The following ARAP2 variants were observed in gnomAD, a reference collection of about 807,000 sequenced individuals.
The protein encoded by ARAP2 is arf-GAP with Rho-GAP domain, ANK repeat and PH domain-containing protein 2.
ARAP2 carries 148 observed loss-of-function variants against 194.5 expected under a neutral mutation model. The ratio of observed to expected loss-of-function variants is 0.76; its 90% CI spans 0.67 to 0.87. The LOEUF (loss-of-function observed/expected upper bound fraction) is 0.87, where lower values mean the gene tolerates loss of function less well. ARAP2 is among the 40% of genes least tolerant of loss of function. The pLI is 0.00. For missense variants in ARAP2, 2,128 were observed against 1,989.7 expected (o/e 1.07, Z -1.32); for synonymous variants, 695 against 683.5 (o/e 1.02, Z -0.26).
chr4:36,118,551 C>A (rs1353978442), intron 24 of ARAP2, among the ~76,000 whole-genome samples: 1 of 151,298 alleles, frequency 6.6e-6, no homozygotes, highest in African/African-American at 2.4e-5. Context: ...TTCAAAACAT[C>A]TTTCTTTATT....
rs560235124 is a variant in ARAP2, at chr4:36,161,905, G to A, written c.2174-355C>T. On this transcript the variant is annotated intron_variant, in intron 11 of 32. Transcript: ENST00000303965. ...GGGCGGATCACGAGGTCAGGAGATC[G>A]AGAACATCCTGGCTAACAGGGTGAA... is the stretch of plus-strand genomic sequence containing the variant. Among the ~76,000 whole-genome samples the A allele has an allele frequency of 6.3e-3, 954 of 151,446 alleles. 10 individuals are homozygous for A. The highest frequency in any genetic ancestry group is 0.022 in the African/African-American group (902 of 41,304).
chr4:36,185,892 C>A (rs943089402), intron 8 of ARAP2, among the ~76,000 whole-genome samples: 1 of 151,348 alleles, frequency 6.6e-6, no homozygotes, highest in Non-Finnish European at 1.5e-5. Context: ...CCAGGACAAT[C>A]GCTTGAACCC....
chr4:36,054,158 C>T (rs748387988), intron 2 of ARAP2, among the ~76,000 whole-genome samples: 6 of 152,142 alleles, frequency 3.9e-5, no homozygotes, highest in Non-Finnish European at 8.8e-5. Context: ...CTGGAATGTA[C>T]AGGCCCTAAC....
At chr4:36,015,830 A>G (rs933111465) in intron 7 of ARAP2, 7 of 152,234 alleles carry the variant, frequency 4.6e-5, no homozygotes, top group African/African-American at 1.7e-4. Context: ...AGAATATGTG[A>G]AAATATTTAG....
intron 6 of ARAP2, among the ~76,000 whole-genome samples, chr4:36,016,495 G>A (rs560149795): frequency 8.8e-4 from 123 of 140,512 alleles, no homozygotes; most frequent in African/African-American, 3.0e-3. Context: ...TAGCTCTTGC[G>A]TGCTTGAAAT....
chr4:36,158,733 C>T lies in ARAP2; in HGVS notation c.2749G>A (p.Glu917Lys), dbSNP rs1345561434. Residue 917 changes from glutamate to lysine, a missense_variant, in exon 15 of 33, where the codon GAA becomes AAA. Transcript: ENST00000303965. ...CTAAAAAGAAGAGAAAAAATACCTT[C>T]AAGCAGTTTTTTCTCTGAAGAGAGT... ...SKLSSEKKLL[E>K]ETNKKWCVLE... 4 of 1,599,478 alleles carry T rather than the reference C, an allele frequency of 2.5e-6. No individual in the cohort carries two copies. Among genetic ancestry groups the T allele is most frequent in the Non-Finnish European group, 3.4e-6 (4 of 1,175,496 alleles).
intron 24 of ARAP2, among the ~76,000 whole-genome samples, chr4:36,117,337 C>T (rs529013585): frequency 3.8e-4 from 57 of 151,816 alleles, no homozygotes; most frequent in South Asian, 3.3e-3. Context: ...ATGTTATAAT[C>T]AGCAACAACA....
At chr4:36,189,811 AT>A (rs1453952465) in intron 7 of ARAP2, among the ~76,000 whole-genome samples, 1 of 152,208 alleles carries the variant, frequency 6.6e-6, no homozygotes, top group African/African-American at 2.4e-5. Flanking sequence ...TCAGTAGTCT[AT>A]GTAACTGTCT....
chr4:36,179,442 G>A (rs1409158930), intron 8 of ARAP2, among the ~76,000 whole-genome samples: 4 of 152,162 alleles, frequency 2.6e-5, no homozygotes, highest in African/African-American at 4.8e-5. Context: ...CGTGGCATGC[G>A]CATCCACGCA....
intron 1 of ARAP2, among the ~76,000 whole-genome samples, chr4:36,229,869 G>A (rs753189653): frequency 6.6e-6 from 1 of 152,022 alleles, no homozygotes; most frequent in Non-Finnish European, 1.5e-5. Context: ...TCAAAAAGGT[G>A]AAAAAAGTGA....
chr4:36,053,791 G>A (rs1723068328), intron 2 of ARAP2, among the ~76,000 whole-genome samples: 1 of 152,206 alleles, frequency 6.6e-6, no homozygotes, highest in African/African-American at 2.4e-5. Context: ...TCAAATCCCA[G>A]AGGGCCGGCA....
chr4:36,135,302 T>A (rs1261076904), intron 19 of ARAP2, among the ~76,000 whole-genome samples: 1 of 151,710 alleles, frequency 6.6e-6, no homozygotes, highest in Non-Finnish European at 1.5e-5. Flanking sequence ...CTGTACCTAA[T>A]ATAAAAAGAG....
At chr4:36,172,769 G>A (rs375604136) in intron 9 of ARAP2, among the ~76,000 whole-genome samples, 5 of 152,104 alleles carry the variant, frequency 3.3e-5, no homozygotes, top group African/African-American at 7.2e-5. Context: ...TTAAGAACTC[G>A]GTGCTTAAAC....
At chr4:36,016,219 C>T (rs1205575842) in intron 6 of ARAP2, among the ~76,000 whole-genome samples, 1 of 151,894 alleles carries the variant, frequency 6.6e-6, no homozygotes, top group Non-Finnish European at 1.5e-5. Flanking sequence ...TATAATAGGA[C>T]TTATTTAAAC....
chr4:36,026,306 T>C (rs1270182495), intron 5 of ARAP2, among the ~76,000 whole-genome samples: 3 of 152,194 alleles, frequency 2.0e-5, no homozygotes. Context: ...GTGATTCACA[T>C]ATTTAGTTGT....
intron 8 of ARAP2, among the ~76,000 whole-genome samples, chr4:36,184,880 A>T (rs1227797083): frequency 6.6e-6 from 1 of 152,258 alleles, no homozygotes; most frequent in Non-Finnish European, 1.5e-5. Flanking sequence ...GAAACACAGT[A>T]AGAGAAAAAC....
chr4:36,148,350 A>C, intron 17 of ARAP2, 55 bp downstream of exon 17: 1 of 1,337,998 alleles, frequency 7.5e-7, no homozygotes, highest in Non-Finnish European at 1.1e-6. Context: ...TCAAACACAG[A>C]CTCCCAGTTC....
Position 36,165,068 on chromosome 4 carries a change from A to G in ARAP2, c.2019T>C (p.Ala673=), listed in dbSNP as rs965614449. Residue 673 remains alanine (A), a synonymous_variant, in exon 11 of 33, where the codon GCT becomes GCC. Coordinates refer to ENST00000303965, the MANE Select transcript of ARAP2 (RefSeq NM_015230.4). ...GAGTTTCTGCTATTGATTGCTGCAC[A>G]GCTTCAATCCAGTCTTGTTTCTCCT... ...TEKEKQDWIE[A]VQQSIAETLS... 6.2e-7 allele frequency: 1 copy of G among 1,614,112 alleles called. No homozygotes were observed.
intron 6 of ARAP2, among the ~76,000 whole-genome samples, chr4:36,208,910 A>T (rs1046886410): frequency 1.3e-5 from 2 of 152,192 alleles, no homozygotes; most frequent in Non-Finnish European, 1.5e-5. Context: ...GAAAACTTAC[A>T]GCATCTAACC....
Sources: gnomAD v4.1 joint callset for allele counts (sites outside exome capture counted in the v4.1 genomes callset) on GRCh38, gnomAD v4.1.1 for gene constraint, MANE v1.5 for transcripts, NCBI Gene and HGNC (gene_info 2026-07-23, HGNC 2026-07-21) for gene names.